LIPC: variants seen among roughly 807,000 people sequenced by gnomAD.
LIPC encodes the protein hepatic triacylglycerol lipase.
In LIPC, 44 loss-of-function variants were observed where a neutral mutation model predicts 50.7. The ratio of observed to expected loss-of-function variants is 0.87; its 90% CI spans 0.68 to 1.11. The LOEUF (loss-of-function observed/expected upper bound fraction) is 1.11. LIPC is among the 50% of genes most tolerant of loss of function. The pLI is 0.00. For synonymous variants in LIPC, 271 were observed against 256.4 expected (o/e 1.06, Z -0.54); for missense variants, 697 against 648.2 (o/e 1.08, Z -0.82).
intron 1 of LIPC, among the ~76,000 whole-genome samples, chr15:58,453,629 G>A (rs143350644): frequency 5.7e-4 from 86 of 152,096 alleles, no homozygotes; most frequent in African/African-American, 1.3e-3. Context: ...ACATTGGCGC[G>A]GTGGCTTATG....
At chr15:58,485,570 G>C (rs370925884) in intron 1 of LIPC, among the ~76,000 whole-genome samples, 29 of 152,290 alleles carry the variant, frequency 1.9e-4, no homozygotes, top group African/African-American at 6.7e-4. Flanking sequence ...CTTTCATACT[G>C]TAAGATTCAG....
chr15:58,531,650 G>C (rs902514025), intron 1 of LIPC, among the ~76,000 whole-genome samples: 1 of 75,248 alleles, frequency 1.3e-5, no homozygotes, highest in African/African-American at 4.7e-5. Flanking sequence ...AAAAACCCCA[G>C]AATAAATCAG....
At chr15:58,559,420 C>T (rs2414599) in intron 6 of LIPC, among the ~76,000 whole-genome samples, 144,480 of 152,300 alleles carry the variant, frequency 0.95, 68,738 homozygotes, top group Middle Eastern at 0.99. Context: ...AAGGCAAATA[C>T]GCAGCAAGTA....
intron 2 of LIPC, 68 bp downstream of exon 2, chr15:58,538,585 C>G (rs1465003453): frequency 1.9e-5 from 28 of 1,481,182 alleles, no homozygotes; most frequent in Non-Finnish European, 2.4e-5. Flanking sequence ...CTAGCGTGTT[C>G]ATGTTCATAA....
intron 1 of LIPC, among the ~76,000 whole-genome samples, chr15:58,520,397 T>C (rs1316458864): frequency 6.6e-6 from 1 of 152,156 alleles, no homozygotes; most frequent in Non-Finnish European, 1.5e-5. Flanking sequence ...AACCATTCGA[T>C]GTGCCTATTT....
intron 1 of LIPC, among the ~76,000 whole-genome samples, chr15:58,514,199 G>A (rs1892417419): frequency 6.6e-6 from 1 of 152,212 alleles, no homozygotes. Flanking sequence ...CTTTCTAGCT[G>A]TGTGGCTGAG....
intron 1 of LIPC, among the ~76,000 whole-genome samples, chr15:58,479,553 C>T (rs1891115426): frequency 6.6e-6 from 1 of 152,302 alleles, no homozygotes; most frequent in Non-Finnish European, 1.5e-5. Context: ...CTGGATTCTT[C>T]GTTTTCTGCT....
At chr15:58,553,374 T>A (rs1893827553) in intron 6 of LIPC, among the ~76,000 whole-genome samples, 1 of 152,154 alleles carries the variant, frequency 6.6e-6, no homozygotes, top group African/African-American at 2.4e-5. Flanking sequence ...GGTGGGAGGA[T>A]CTCTTGAGCC....
intron 8 of LIPC, chr15:58,565,461 G>A (rs2140960470): frequency 9.2e-6 from 13 of 1,413,050 alleles, no homozygotes; most frequent in African/African-American, 2.9e-5. Flanking sequence ...GAGGGGCCTG[G>A]CCCTTCCAGG....
chr15:58,481,431 G>T (rs1198947067), intron 1 of LIPC, among the ~76,000 whole-genome samples: 1 of 152,176 alleles, frequency 6.6e-6, no homozygotes, highest in African/African-American at 2.4e-5. Flanking sequence ...CAAAAGACTG[G>T]AAACAAATGT....
At position 58,560,945 on chromosome 15, in the gene LIPC, G is replaced by T; in HGVS notation, c.1133G>T (p.Gly378Val). The T allele has an allele frequency of 1.3e-6, 2 of 1,569,530 alleles. No homozygotes were observed. Among genetic ancestry groups the T allele is most frequent in the Non-Finnish European group, 1.8e-6 (2 of 1,139,230 alleles). Residue 378 changes from glycine (G) to valine (V), a missense_variant, in exon 7 of 9, where the codon GGA becomes GTA. By Grantham distance (109) the Gly-to-Val change is moderately radical. Coordinates refer to ENST00000299022, the MANE Select transcript of LIPC (RefSeq NM_000236.3). ...IQTTFTMSLL[G>V]TKEKMQKIPI... ...ACAACTTTTACCATGTCACTACTCG[G>T]AACAAAAGAGAAAATGCAGAAAATT... is the stretch of plus-strand genomic sequence containing the variant.
chr15:58,548,150 C>G lies in LIPC; in HGVS notation c.809-180C>G, dbSNP rs571557808. ...CTACATGACTCAGAGGGTCTACTTC[C>G]CTTAGTTTCAGTCAGTTGTCACATC... is the stretch of plus-strand genomic sequence containing the variant. On this transcript the variant is annotated intron_variant, in intron 5 of 8. Coordinates refer to ENST00000299022, the MANE Select transcript of LIPC (RefSeq NM_000236.3). Among the ~76,000 whole-genome samples, 354 of 152,160 alleles carry G rather than the reference C, an allele frequency of 2.3e-3. 2 individuals carry two copies. The highest frequency in any genetic ancestry group is 3.7e-3 in the Non-Finnish European group (253 of 68,016).
At chr15:58,544,328 C>T (rs555670729) in intron 4 of LIPC, among the ~76,000 whole-genome samples, 3 of 151,968 alleles carry the variant, frequency 2.0e-5, no homozygotes, top group Non-Finnish European at 2.9e-5. Flanking sequence ...ACCCTCTTGC[C>T]GTCTTGTCAT....
At chr15:58,469,851 C>T (rs564707541) in intron 1 of LIPC, among the ~76,000 whole-genome samples, 2 of 152,202 alleles carry the variant, frequency 1.3e-5, no homozygotes, top group East Asian at 3.9e-4. Flanking sequence ...GCACTTCCCC[C>T]AAGAGAATAG....
chr15:58,432,191 A>T, intron 1 of LIPC, 71 bp downstream of exon 1: 1 of 1,171,446 alleles, frequency 8.5e-7, no homozygotes, highest in South Asian at 1.2e-5. Context: ...CAAAGAATCC[A>T]GGGGTTTCTG....
chr15:58,490,739 C>A (rs891594319), intron 1 of LIPC, among the ~76,000 whole-genome samples: 1 of 152,164 alleles, frequency 6.6e-6, no homozygotes, highest in Non-Finnish European at 1.5e-5. Context: ...GGGTGGAGCG[C>A]CTGATTTGTC....
chr15:58,555,533 C>T (rs1595949785), intron 6 of LIPC, among the ~76,000 whole-genome samples: 1 of 152,188 alleles, frequency 6.6e-6, no homozygotes, highest in East Asian at 1.9e-4. Context: ...GAATCCTGCT[C>T]CACTGAACTA....
chr15:58,472,802 A>G (rs116437964), intron 1 of LIPC, among the ~76,000 whole-genome samples: 23 of 152,306 alleles, frequency 1.5e-4, no homozygotes, highest in African/African-American at 5.3e-4. Context: ...TTGTCTTCAC[A>G]ACGGCCTTAT....
chr15:58,535,191 C>T (rs1893074835), intron 1 of LIPC, among the ~76,000 whole-genome samples: 1 of 152,242 alleles, frequency 6.6e-6, no homozygotes, highest in Non-Finnish European at 1.5e-5. Context: ...ACAGCAACCA[C>T]TTTTAATAGT....
Sources: allele counts gnomAD v4.1 joint callset (sites outside exome capture counted in the v4.1 genomes callset), GRCh38; gene constraint gnomAD v4.1.1; transcripts MANE v1.5; gene names NCBI Gene and HGNC (gene_info 2026-07-23, HGNC 2026-07-21).